Variants in PCDHGB4 observed in about 807,000 individuals in gnomAD.
PCDHGB4 encodes protocadherin gamma subfamily B, 4, also known as protocadherin gamma-B4.
In PCDHGB4, 38 loss-of-function variants were observed where a neutral mutation model predicts 60.5. The observed-to-expected ratio is 0.63, with a 90% CI of 0.48 to 0.82. The LOEUF is 0.82. Ranked by LOEUF, PCDHGB4 falls within the 40% of genes least tolerant of loss-of-function variation. The pLI, the probability that PCDHGB4 is intolerant of heterozygous loss-of-function variation, is 0.00. For missense variants in PCDHGB4, 1,109 were observed against 1,209.6 expected, an observed-to-expected ratio of 0.92 and a Z score of 1.23; for synonymous variants, 456 against 509.7, an observed-to-expected ratio of 0.89 and a Z score of 1.42.
intron 1 of PCDHGB4, among the ~76,000 whole-genome samples, chr5:141,464,702 G>T (rs934638404): frequency 1.3e-5 from 2 of 151,942 alleles, no homozygotes; most frequent in African/African-American, 2.4e-5. Context: ...TATGAATGAG[G>T]TTAAATAGTT....
intron 1 of PCDHGB4, chr5:141,398,744 GTTACCATCGT>G (rs765550213): frequency 1.3e-4 from 209 of 1,613,736 alleles, no homozygotes; most frequent in Non-Finnish European, 1.7e-4. Context: ...GAACAACAGA[GTTACCATCGT>G]TTAGTCCTGA....
intron 1 of PCDHGB4, chr5:141,419,186 A>G: frequency 1.2e-6 from 2 of 1,613,940 alleles, no homozygotes; most frequent in Non-Finnish European, 1.7e-6. Context: ...CCTGCACATT[A>G]CTGACGTCAA....
In PCDHGB4 at chr5:141,489,993, C is replaced by A; in HGVS notation, c.2398-4814C>A. 6.2e-7 allele frequency: 1 copy of A among 1,614,186 alleles called. No individual in the cohort carries two copies. The highest frequency in any genetic ancestry group is 1.1e-5 in the South Asian group (1 of 91,088). On this transcript the variant is annotated intron_variant, in intron 1 of 3. Transcript: ENST00000519479. The surrounding 1 kb of genome is among the most constrained non-coding windows in gnomAD (Gnocchi z 4.5). ...AATCCTCAGTTCTACGTGTGGGAATCCCAGAGAATGCACCCATTGGTACTC... is the reference window on the plus strand; with the variant it reads ...AATCCTCAGTTCTACGTGTGGGAATACCAGAGAATGCACCCATTGGTACTC...
intron 1 of PCDHGB4, chr5:141,400,636 G>C: frequency 7.5e-7 from 1 of 1,325,762 alleles, no homozygotes; most frequent in Non-Finnish European, 1.1e-6. Context: ...AGTCAGAGCT[G>C]CTCAGAAAGC....
chr5:141,502,866 C>CTT (rs549047197), intron 2 of PCDHGB4, among the ~76,000 whole-genome samples: 3 of 128,046 alleles, frequency 2.3e-5, no homozygotes, highest in Non-Finnish European at 3.2e-5. Flanking sequence ...GACTCTCTGT[C>CTT]TTTTTTTTTT....
chr5:141,409,130 G>T (rs1265386524), intron 1 of PCDHGB4: 1 of 1,613,994 alleles, frequency 6.2e-7, no homozygotes, highest in Admixed American at 1.7e-5. Context: ...ATTTGATTTT[G>T]AAGATGTAGA....
chr5:141,390,538 C>CA, intron 1 of PCDHGB4: 3 of 518,310 alleles, frequency 5.8e-6, no homozygotes, highest in Non-Finnish European at 1.0e-5. Flanking sequence ...GTTTTAACCA[C>CA]AAAGTGAAAG....
chr5:141,409,769 G>A (rs1413636372), intron 1 of PCDHGB4: 19 of 1,612,658 alleles, frequency 1.2e-5, no homozygotes, highest in Non-Finnish European at 1.5e-5. Context: ...CTTTGATCAC[G>A]AGCAGCTGCG....
intron 1 of PCDHGB4, among the ~76,000 whole-genome samples, chr5:141,420,737 A>G (rs1156969170): frequency 1.3e-5 from 2 of 152,244 alleles, no homozygotes; most frequent in Non-Finnish European, 2.9e-5. Flanking sequence ...GTTAAAATCA[A>G]TTGGAACCAA....
intron 1 of PCDHGB4, chr5:141,399,309 CA>C: frequency 6.2e-7 from 1 of 1,613,902 alleles, no homozygotes; most frequent in Non-Finnish European, 8.5e-7. Flanking sequence ...TCTCTTCATC[CA>C]AAAATTCGTA....
chr5:141,408,096 C>T, intron 1 of PCDHGB4: 5 of 1,434,864 alleles, frequency 3.5e-6, no homozygotes, highest in Non-Finnish European at 4.6e-6. Flanking sequence ...ATTGCCAGCT[C>T]CGAGACCCGG....
At chr5:141,391,586 A>T (rs2092395151) in intron 1 of PCDHGB4, 1 of 152,234 alleles carries the variant, frequency 6.6e-6, no homozygotes. Flanking sequence ...TTCACAGGAA[A>T]ATATAAAGTT....
chr5:141,433,220 T>A (rs781745522), intron 1 of PCDHGB4: 2 of 1,509,720 alleles, frequency 1.3e-6, no homozygotes, highest in Non-Finnish European at 1.8e-6. Flanking sequence ...TTTTTTTTTT[T>A]AATTGCTCTG....
chr5:141,427,626 C>T, intron 1 of PCDHGB4: 1 of 699,934 alleles, frequency 1.4e-6, no homozygotes, highest in Non-Finnish European at 2.6e-6. Flanking sequence ...CGACAATGCT[C>T]CGGTTTTCCA....
intron 1 of PCDHGB4, chr5:141,430,625 G>T: frequency 1.3e-6 from 1 of 788,104 alleles, no homozygotes; most frequent in Non-Finnish European, 1.9e-6. Context: ...AGCTAGGAAT[G>T]AACCATCCCT....
intron 1 of PCDHGB4, chr5:141,408,742 A>G: frequency 6.2e-7 from 1 of 1,610,074 alleles, no homozygotes; most frequent in Non-Finnish European, 8.5e-7. Flanking sequence ...ATTTTTCATT[A>G]ATGGTTAGAG....
At chr5:141,436,394 T>C (rs781428769) in intron 1 of PCDHGB4, among the ~76,000 whole-genome samples, 15 of 152,216 alleles carry the variant, frequency 9.9e-5, no homozygotes, top group Non-Finnish European at 1.9e-4. Flanking sequence ...CTTTATTAAA[T>C]AGTTGTTGAA....
intron 1 of PCDHGB4, among the ~76,000 whole-genome samples, chr5:141,434,384 G>T (rs980455943): frequency 2.6e-5 from 4 of 152,208 alleles, no homozygotes; most frequent in African/African-American, 4.8e-5. Context: ...CCCAAAACTG[G>T]CCATAAACAA....
At chr5:141,403,877 T>A in intron 1 of PCDHGB4, 1 of 1,613,796 alleles carries the variant, frequency 6.2e-7, no homozygotes, top group Non-Finnish European at 8.5e-7. Context: ...AAGTCTAGAT[T>A]ATGAAGAATG....
Sources: allele counts gnomAD v4.1 joint callset (sites outside exome capture counted in the v4.1 genomes callset), GRCh38; gene constraint gnomAD v4.1.1; non-coding constraint Gnocchi (gnomAD v3.1); transcripts MANE v1.5; gene names NCBI Gene and HGNC (gene_info 2026-07-23, HGNC 2026-07-21).